Variants in EPSTI1 observed in about 807,000 individuals in gnomAD.
EPSTI1 encodes epithelial stromal interaction 1.
EPSTI1 carries 66 observed loss-of-function variants against 49.9 expected under a neutral mutation model. The ratio of observed to expected loss-of-function variants is 1.32; its 90% CI spans 1.08 to 1.62. The LOEUF (loss-of-function observed/expected upper bound fraction) is 1.62, where lower values mean the gene tolerates loss of function less well. Ranked by LOEUF, EPSTI1 falls within the 40% of genes most tolerant of loss-of-function variation. The pLI is 0.00. For missense variants in EPSTI1, 394 were observed against 365.5 expected (o/e 1.08, Z -0.64); for synonymous variants, 137 against 130.7 (o/e 1.05, Z -0.33).
chr13:42,888,801 C>T (rs138297310), intron 10 of EPSTI1, among the ~76,000 whole-genome samples: 244 of 152,116 alleles, frequency 1.6e-3, no homozygotes, highest in African/African-American at 5.6e-3. Flanking sequence ...ATGTTGTCAC[C>T]CACCTACACA....
At chr13:42,888,661 A>AT (rs1447865789) in intron 10 of EPSTI1, among the ~76,000 whole-genome samples, 159 bp from the exon 11 acceptor site, 1 of 152,196 alleles carries the variant, frequency 6.6e-6, no homozygotes, top group Admixed American at 6.5e-5. Context: ...AAACGATTTG[A>AT]TTTTCAAGTC....
chr13:42,941,020 T>G (rs1387207201), intron 6 of EPSTI1, among the ~76,000 whole-genome samples: 1 of 152,210 alleles, frequency 6.6e-6, no homozygotes, highest in Non-Finnish European at 1.5e-5. Flanking sequence ...ATTATTTACT[T>G]AAAACATTCT....
intron 1 of EPSTI1, among the ~76,000 whole-genome samples, chr13:42,984,815 G>A (rs762921861): frequency 6.6e-6 from 1 of 152,218 alleles, no homozygotes; most frequent in African/African-American, 2.4e-5. Context: ...CTGGTGGGAC[G>A]CATTAAGGTT....
At chr13:42,959,112 T>C (rs1008009384) in intron 5 of EPSTI1, among the ~76,000 whole-genome samples, 5 of 152,212 alleles carry the variant, frequency 3.3e-5, no homozygotes, top group African/African-American at 1.2e-4. Flanking sequence ...CTAAGGGCTG[T>C]GTATATATTG....
intron 1 of EPSTI1, among the ~76,000 whole-genome samples, chr13:42,986,571 C>T (rs541248228): frequency 2.0e-5 from 3 of 151,986 alleles, no homozygotes; most frequent in African/African-American, 7.2e-5. Flanking sequence ...GGTGAAACCT[C>T]GTTTCTACTA....
intron 7 of EPSTI1, among the ~76,000 whole-genome samples, chr13:42,924,161 G>A (rs1434722990): frequency 6.6e-6 from 1 of 152,242 alleles, no homozygotes; most frequent in African/African-American, 2.4e-5. Context: ...GCATATGGAT[G>A]AGACAGAATG....
intron 8 of EPSTI1, among the ~76,000 whole-genome samples, chr13:42,901,236 A>T (rs570763084): frequency 5.9e-5 from 9 of 152,198 alleles, no homozygotes; most frequent in South Asian, 2.1e-4. Context: ...GTCTTAACAC[A>T]TACCAATAAA....
At position 42,889,798 on chromosome 13, in the gene EPSTI1, C is replaced by T. The variant is rs574035957; in HGVS notation, c.916-1296G>A. On this transcript the variant is annotated intron_variant, in intron 10 of 10. Coordinates refer to ENST00000313624, the MANE Select transcript of EPSTI1 (RefSeq NM_033255.5). The stretch of plus-strand genomic sequence containing the variant: ...TAAAATTTAATGTAGATATAGTTAT[C>T]TTTTTTGTTATTGTTGTTTATACCT... Among the ~76,000 whole-genome samples the T allele has an allele frequency of 4.4e-3, 674 of 152,138 alleles. 2 individuals carry two copies. The highest frequency in any genetic ancestry group is 7.5e-3 in the Non-Finnish European group (509 of 67,966).
chr13:42,914,307 C>T (rs190849704), intron 8 of EPSTI1, among the ~76,000 whole-genome samples: 2 of 152,188 alleles, frequency 1.3e-5, no homozygotes, highest in Admixed American at 1.3e-4. Context: ...TTAATTATAG[C>T]TTCATCAACT....
chr13:42,910,136 G>C (rs2037624122), intron 8 of EPSTI1, among the ~76,000 whole-genome samples: 1 of 151,158 alleles, frequency 6.6e-6, no homozygotes, highest in Non-Finnish European at 1.5e-5. Context: ...TTTAGTTGTT[G>C]AACAATTATT....
At chr13:42,931,201 T>G (rs1475521006) in intron 6 of EPSTI1, among the ~76,000 whole-genome samples, 1 of 145,118 alleles carries the variant, frequency 6.9e-6, no homozygotes, top group Non-Finnish European at 1.5e-5. Context: ...CTTTTTTTTT[T>G]TTTTTTTTTT....
rs112686420 is a variant in EPSTI1, at chr13:42,902,737, A to G, written c.742-2354T>C. Among the ~76,000 whole-genome samples the G allele has an allele frequency of 9.3e-3, 1,413 of 152,348 alleles. 10 individuals are homozygous for G. Among genetic ancestry groups the G allele is most frequent in the Non-Finnish European group, 0.015 (1,015 of 68,026 alleles). ...ATTATGTGATAAATGAATGAGCAAT[A>G]TCATCCTCACCTTACAGATAAGGAA... On this transcript the variant is annotated intron_variant, in intron 8 of 10. Transcript: ENST00000313624.
At chr13:42,983,483 G>C (rs931822195) in intron 1 of EPSTI1, among the ~76,000 whole-genome samples, 1 of 143,474 alleles carries the variant, frequency 7.0e-6, no homozygotes, top group Admixed American at 7.6e-5. Context: ...GGAATCGCTT[G>C]AAGCCAGGAG....
At chr13:42,888,598 T>C in intron 10 of EPSTI1, 96 bp from the exon 11 acceptor site, 7 of 1,283,506 alleles carry the variant, frequency 5.5e-6, no homozygotes, top group South Asian at 1.5e-5. Context: ...AACGCTCTTA[T>C]GCATCAAGCT....
chr13:42,983,346 A>G (rs1006651012), intron 1 of EPSTI1, among the ~76,000 whole-genome samples: 1 of 152,144 alleles, frequency 6.6e-6, no homozygotes, highest in Non-Finnish European at 1.5e-5. Context: ...CAGGTGGATC[A>G]CGAGGTCAGC....
At chr13:42,900,639 T>C (rs2037329065) in intron 8 of EPSTI1, among the ~76,000 whole-genome samples, 1 of 151,600 alleles carries the variant, frequency 6.6e-6, no homozygotes, top group Admixed American at 6.6e-5. Flanking sequence ...AGATACTAGA[T>C]CAATAGGTAC....
At position 42,888,335 on chromosome 13, in the gene EPSTI1, A is replaced by T. The variant is rs770978176; in HGVS notation, c.*159T>A. Reference sequence around the variant, plus strand: ...CTCCTCCAAACATGCATAAATGAGGACAAGGAGAAGCCAGTCACTCCTGAC... The same window carrying T: ...CTCCTCCAAACATGCATAAATGAGGTCAAGGAGAAGCCAGTCACTCCTGAC... On this transcript the variant is annotated 3_prime_UTR_variant, in exon 11 of 11. Coordinates refer to ENST00000313624, the MANE Select transcript of EPSTI1 (RefSeq NM_033255.5). The T allele has an allele frequency of 2.4e-5, 39 of 1,614,156 alleles. No homozygotes were observed. In the Middle Eastern group the frequency reaches 8.2e-4, roughly 34 times the overall value.
intron 3 of EPSTI1, among the ~76,000 whole-genome samples, chr13:42,967,785 G>GAT (rs1189663766): frequency 6.6e-6 from 1 of 152,134 alleles, no homozygotes; most frequent in Non-Finnish European, 1.5e-5. Context: ...AAGAAACAAG[G>GAT]ATCACTGCAT....
At chr13:42,947,085 G>C (rs1346501735) in intron 6 of EPSTI1, among the ~76,000 whole-genome samples, 1 of 152,114 alleles carries the variant, frequency 6.6e-6, no homozygotes, top group African/African-American at 2.4e-5. Context: ...CCTCACTACA[G>C]GCACACGGGC....
Sources: gnomAD v4.1 joint callset for allele counts (sites outside exome capture counted in the v4.1 genomes callset) on GRCh38, gnomAD v4.1.1 for gene constraint, MANE v1.5 for transcripts, NCBI Gene and HGNC (gene_info 2026-07-23, HGNC 2026-07-21) for gene names.